Variants in SACM1L observed in about 807,000 individuals in gnomAD.
SACM1L encodes SAC1 like phosphatidylinositide phosphatase, also known as phosphatidylinositol-3-phosphatase SAC1.
In SACM1L, 32 loss-of-function variants were observed where a neutral mutation model predicts 89.5. The observed-to-expected ratio is 0.36, with a 90% CI of 0.27 to 0.48. The LOEUF (loss-of-function observed/expected upper bound fraction) is 0.48. SACM1L is among the 20% of genes least tolerant of loss of function. SACM1L has a pLI of 0.99. For synonymous variants in SACM1L, 213 were observed against 232.8 expected (o/e 0.92, Z 0.77); for missense variants, 543 against 708.5 (o/e 0.77, Z 2.65).
At chr3:45,708,338 TAG>T (rs1056930448) in intron 4 of SACM1L, among the ~76,000 whole-genome samples, 2 of 152,164 alleles carry the variant, frequency 1.3e-5, no homozygotes, top group African/African-American at 4.8e-5. Context: ...CAACATTGTT[TAG>T]AGATATATAT....
chr3:45,738,358 A>G (rs1456847144), intron 16 of SACM1L, among the ~76,000 whole-genome samples: 1 of 152,192 alleles, frequency 6.6e-6, no homozygotes, highest in Non-Finnish European at 1.5e-5. Flanking sequence ...TGCAACTGGA[A>G]TTAGTGTGTT....
chr3:45,741,226 C>T (rs539351260), intron 19 of SACM1L, among the ~76,000 whole-genome samples: 6 of 152,274 alleles, frequency 3.9e-5, no homozygotes, highest in African/African-American at 1.4e-4. Context: ...TTCATATGCT[C>T]CCCTCTCACA....
At chr3:45,722,527 T>C (rs1698811602) in intron 9 of SACM1L, among the ~76,000 whole-genome samples, 1 of 152,182 alleles carries the variant, frequency 6.6e-6, no homozygotes, top group African/African-American at 2.4e-5. Flanking sequence ...ACATATTCAT[T>C]TGAAAATGAA....
In SACM1L at chr3:45,709,560, C is replaced by T. The variant is rs1289514740; in HGVS notation, c.396C>T (p.Tyr132=). 6.2e-7 allele frequency: 1 copy of T among 1,613,782 alleles called. No individual in the cohort carries two copies. Among genetic ancestry groups the T allele is most frequent in the Non-Finnish European group, 8.5e-7 (1 of 1,179,796 alleles). Residue 132 remains tyrosine (Y), a synonymous_variant, in exon 5 of 20, where the codon TAC becomes TAT. Coordinates refer to ENST00000389061, the MANE Select transcript of SACM1L (RefSeq NM_014016.5). The part of the protein sequence containing the change: ...LNHVLNVDGF[Y]FSTTYDLTHT... ...ATGTCTTGAATGTGGATGGATTTTA[C>T]TTTTCAACAACATATGATTTGACCC...
Position 45,719,412 on chromosome 3 carries a change from A to G in SACM1L, c.578-88A>G, listed in dbSNP as rs555732262. 1.8e-5 allele frequency: 12 copies of G among 671,014 alleles called. No homozygotes were observed. In the African/African-American group the frequency reaches 1.8e-4, roughly 10 times the overall value. The allele number at this position is 671,014 out of a possible 1,614,324, so 41.6% of individuals were successfully genotyped here. A position where few individuals can be genotyped will look rare whatever the true frequency, so the allele number is the denominator to read the frequency against. ...ACTCTTGTCATTTTTTCTCTTAAAGACCATCATTAGGATAGATAGATGCAA... is the reference window on the plus strand; with the variant it reads ...ACTCTTGTCATTTTTTCTCTTAAAGGCCATCATTAGGATAGATAGATGCAA... On this transcript the variant is annotated intron_variant, in intron 7 of 19. Coordinates refer to ENST00000389061, the MANE Select transcript of SACM1L (RefSeq NM_014016.5).
intron 11 of SACM1L, among the ~76,000 whole-genome samples, chr3:45,725,100 G>A (rs1415443465): frequency 6.6e-6 from 1 of 152,170 alleles, no homozygotes; most frequent in African/African-American, 2.4e-5. Context: ...TGTGTAATAA[G>A]TTTTAAAATC....
chr3:45,738,511 T>C (rs956772240), intron 16 of SACM1L, 67 bp from the exon 17 acceptor site: 6 of 889,938 alleles, frequency 6.7e-6, no homozygotes, highest in Non-Finnish European at 1.1e-5. Context: ...TTATGCTTAT[T>C]GGCCATAAAA....
chr3:45,714,147 T>G, intron 7 of SACM1L, 68 bp downstream of exon 7: 1 of 939,746 alleles, frequency 1.1e-6, no homozygotes, highest in Non-Finnish European at 1.6e-6. Context: ...TAAGGCAGAT[T>G]TAGAGATAGT....
chr3:45,741,403 T>A (rs1434799907), intron 19 of SACM1L, among the ~76,000 whole-genome samples: 1 of 152,222 alleles, frequency 6.6e-6, no homozygotes, highest in African/African-American at 2.4e-5. Flanking sequence ...TGTGTATTTC[T>A]TTTTGGATGG....
intron 1 of SACM1L, among the ~76,000 whole-genome samples, chr3:45,698,240 C>T (rs1015056066): frequency 1.2e-4 from 18 of 152,152 alleles, no homozygotes; most frequent in African/African-American, 4.3e-4. Context: ...ACAGTAAGGG[C>T]ATATATGTAG....
At chr3:45,709,672 TA>T in intron 5 of SACM1L, 25 bp downstream of exon 5, 11 of 1,582,824 alleles carry the variant, frequency 6.9e-6, no homozygotes, top group Non-Finnish European at 9.4e-6. Context: ...CAATTATTTT[TA>T]TTTTTAGGTT....
intron 8 of SACM1L, among the ~76,000 whole-genome samples, chr3:45,720,065 G>A (rs1427487909): frequency 6.6e-6 from 1 of 152,012 alleles, no homozygotes; most frequent in Non-Finnish European, 1.5e-5. Flanking sequence ...TTAAAAATCT[G>A]TATTAAAGCT....
rs754614496 is a variant in SACM1L at position 45,722,849 on chromosome 3, AT to A, written c.766-17del. 2.6e-4 allele frequency: 405 copies of A among 1,573,966 alleles called. 1 individual carries two copies. Among genetic ancestry groups the A allele is most frequent in the South Asian group, 1.6e-3 (146 of 89,986 alleles). On this transcript the variant is annotated intron_variant, in intron 9 of 19. Coordinates refer to ENST00000389061, the MANE Select transcript of SACM1L (RefSeq NM_014016.5). ...CAAGTATGTTTGTGTTTCTTTTCAC[AT>A]TTCTCTCTTTTCTTTTAGACTCGAG... is the stretch of plus-strand genomic sequence containing the variant.
At position 45,709,508 on chromosome 3, in the gene SACM1L, A is replaced by G. The variant is rs775952892; in HGVS notation, c.344A>G (p.Asn115Ser). 3.7e-6 allele frequency: 6 copies of G among 1,608,596 alleles called. 1 individual carries two copies. In the South Asian group the frequency reaches 6.7e-5, roughly 18 times the overall value. Reference protein sequence around the residue: ...LHLTDIQLQDNKTFLAMLNHV... With the variant: ...LHLTDIQLQDSKTFLAMLNHV... ...TTTCTTTGTTTATAGTTACAAGATA[A>G]TAAAACCTTCCTAGCGATGCTAAAC... is the stretch of plus-strand genomic sequence containing the variant. Residue 115 changes from asparagine (N) to serine (S), a missense_variant, in exon 5 of 20, where the codon AAT becomes AGT. Coordinates refer to ENST00000389061, the MANE Select transcript of SACM1L (RefSeq NM_014016.5).
At chr3:45,692,100 C>A (rs962477391) in intron 1 of SACM1L, among the ~76,000 whole-genome samples, 1 of 152,178 alleles carries the variant, frequency 6.6e-6, no homozygotes, top group Non-Finnish European at 1.5e-5. Flanking sequence ...ACCCAGAATG[C>A]CTTCTTCCTC....
At chr3:45,733,286 C>T (rs1354006569) in intron 13 of SACM1L, among the ~76,000 whole-genome samples, 1 of 152,198 alleles carries the variant, frequency 6.6e-6, no homozygotes, top group African/African-American at 2.4e-5. Flanking sequence ...TGGGAAGAAT[C>T]TGGGCTTTGG....
At chr3:45,735,132 GT>G in intron 13 of SACM1L, 102 bp from the exon 14 acceptor site, 1 of 1,141,228 alleles carries the variant, frequency 8.8e-7, no homozygotes, top group African/African-American at 1.6e-5. Flanking sequence ...TTAATTTACA[GT>G]TTTTAATAAT....
At chr3:45,724,040 T>A (rs1247602094) in intron 11 of SACM1L, among the ~76,000 whole-genome samples, 1 of 152,082 alleles carries the variant, frequency 6.6e-6, no homozygotes, top group Admixed American at 6.6e-5. Context: ...ACATTTGGGT[T>A]GTTTTCATTT....
In SACM1L at chr3:45,733,716, A is replaced by G. The variant is rs1026702318; in HGVS notation, c.1101-1519A>G. Among the ~76,000 whole-genome samples the G allele has an allele frequency of 4.6e-5, 7 of 152,218 alleles. No homozygotes were observed. The East Asian group carries it at 5.8e-4, about 13-fold the overall frequency. On this transcript the variant is annotated intron_variant, in intron 13 of 19. Coordinates refer to ENST00000389061, the MANE Select transcript of SACM1L (RefSeq NM_014016.5). ...CAGTATTCGTTGTTTGCTGTGTTCC[A>G]TACACTGTGCTAAGTACTTTATGTG... is the stretch of plus-strand genomic sequence containing the variant.
Sources: gnomAD v4.1 joint callset for allele counts (sites outside exome capture counted in the v4.1 genomes callset) on GRCh38, gnomAD v4.1.1 for gene constraint, MANE v1.5 for transcripts, NCBI Gene and HGNC (gene_info 2026-07-23, HGNC 2026-07-21) for gene names.